IPO5: variants seen among roughly 807,000 people sequenced by gnomAD.
IPO5 encodes the protein importin 5.
Under a neutral mutation model 143.3 loss-of-function variants are expected in IPO5, and 18 were observed. The ratio of observed to expected loss-of-function variants is 0.13; its 90% CI spans 0.09 to 0.19. The LOEUF (loss-of-function observed/expected upper bound fraction) is 0.19, where lower values mean the gene tolerates loss of function less well. IPO5 is among the 10% of genes least tolerant of loss of function. The probability of loss-of-function intolerance (pLI) is 1.00; values close to 1 mark genes in which losing one functional copy is unlikely to be tolerated. For synonymous variants in IPO5, 477 were observed against 465.7 expected (o/e 1.02, Z -0.31); for missense variants, 1,013 against 1,336.9 (o/e 0.76, Z 3.78).
chr13:98,015,920 CT>C, intron 24 of IPO5, 139 bp downstream of exon 24: 1 of 593,404 alleles, frequency 1.7e-6, no homozygotes, highest in Non-Finnish European at 3.0e-6. Flanking sequence ...TATATTTCCT[CT>C]CTTAATTTAT....
chr13:97,977,769 C>CT (rs1886506615), intron 4 of IPO5, among the ~76,000 whole-genome samples: 1 of 152,190 alleles, frequency 6.6e-6, no homozygotes, highest in Non-Finnish European at 1.5e-5. Flanking sequence ...GAGGGAGAAA[C>CT]TTTCCAGTTT....
intron 11 of IPO5, among the ~76,000 whole-genome samples, chr13:97,995,928 A>G (rs1888246951): frequency 6.6e-6 from 1 of 152,218 alleles, no homozygotes; most frequent in African/African-American, 2.4e-5. Context: ...TGATGTAAAC[A>G]TTGCCAAATT....
chr13:98,012,326 A>G lies in IPO5; in HGVS notation c.2136A>G (p.Lys712=). 6.3e-7 allele frequency: 1 copy of G among 1,599,680 alleles called. No homozygotes were observed. Among genetic ancestry groups the G allele is most frequent in the Non-Finnish European group, 8.6e-7 (1 of 1,166,938 alleles). Residue 712 remains lysine, a synonymous_variant, in exon 21 of 29, where the codon AAA becomes AAG. Coordinates refer to ENST00000651721, the MANE Select transcript of IPO5 (RefSeq NM_002271.6). ...TCAAACTGATGGTCCCTTTACTGAA[A>G]TTTTATTTCCACGATGATATCCTAC... ...QVVKLMVPLL[K]FYFHDGVRVA... is the part of the protein sequence containing the mutation.
At chr13:98,019,484 A>T in intron 26 of IPO5, 97 bp from the exon 27 acceptor site, 1 of 829,100 alleles carries the variant, frequency 1.2e-6, no homozygotes, top group Non-Finnish European at 1.9e-6. Flanking sequence ...ACATTTCTTT[A>T]CCATAATCAA....
At position 98,010,143 on chromosome 13, in the gene IPO5, A is replaced by G. The variant is rs746861397; in HGVS notation, c.1974A>G (p.Glu658=). 2.3e-5 allele frequency: 37 copies of G among 1,614,030 alleles called. No individual in the cohort carries two copies. The highest frequency in any genetic ancestry group is 1.7e-5 in the Admixed American group (1 of 59,994). ...MENMSDDDGW[E]FVNLGDQQSF... The stretch of plus-strand genomic sequence containing the variant: ...ATATGAGTGATGATGATGGTTGGGA[A>G]TTTGTGAACCTTGGAGATCAGCAAA... The change falls in exon 20 of 29, where the codon GAA becomes GAG. Residue 658 remains glutamate (E), a synonymous_variant. Coordinates refer to ENST00000651721, the MANE Select transcript of IPO5 (RefSeq NM_002271.6).
chr13:97,991,464 G>C lies in IPO5; in HGVS notation c.669+927G>C, dbSNP rs114227882. On this transcript the variant is annotated intron_variant, in intron 9 of 28. Coordinates refer to ENST00000651721, the MANE Select transcript of IPO5 (RefSeq NM_002271.6). ...AGATTTCCTAAAATAGTAAGGTTCT[G>C]AACAAAGCAAAGTAGAGGTTGAGTG... Among the ~76,000 whole-genome samples, 28 of 152,296 alleles carry C rather than the reference G, an allele frequency of 1.8e-4. No homozygotes were observed. The South Asian group carries it at 5.8e-3, about 32-fold the overall frequency.
At chr13:97,959,908 C>T (rs901242054) in intron 2 of IPO5, among the ~76,000 whole-genome samples, 3 of 152,152 alleles carry the variant, frequency 2.0e-5, no homozygotes, top group African/African-American at 4.8e-5. Context: ...GAACCCTGTC[C>T]GCATGCTCAC....
Position 98,014,251 on chromosome 13 carries a change from G to T in IPO5, c.2325+37G>T, listed in dbSNP as rs567045020. On this transcript the variant is annotated intron_variant, in intron 22 of 28. Coordinates refer to ENST00000651721, the MANE Select transcript of IPO5 (RefSeq NM_002271.6). ...TCTCTTAAAAAATATGTATAAGGTT[G>T]TATGTTCATTTATTAGTCTTGCTAA... The T allele has an allele frequency of 9.0e-6, 13 of 1,436,632 alleles. No homozygotes were observed. The African/African-American group carries it at 1.4e-4, about 16-fold the overall frequency. 89.0% of individuals were successfully genotyped at this position (1,436,632 alleles called of 1,614,324 possible).
rs975787881 is a variant in IPO5 at position 97,965,367 on chromosome 13, G to A, written c.-112-4356G>A. ...AAACTGAAAAATTAAAAAAAAATCA[G>A]CTTGTCCATATCTGAAAAACAAAGG... On this transcript the variant is annotated intron_variant, in intron 2 of 28. Coordinates refer to ENST00000651721, the MANE Select transcript of IPO5 (RefSeq NM_002271.6). Among the ~76,000 whole-genome samples the A allele has an allele frequency of 6.6e-5, 10 of 152,000 alleles. 1 individual carries two copies. Among genetic ancestry groups the A allele is most frequent in the African/African-American group, 2.4e-4 (10 of 41,390 alleles).
intron 20 of IPO5, among the ~76,000 whole-genome samples, chr13:98,011,171 G>GT (rs911421773): frequency 1.1e-4 from 17 of 151,936 alleles, no homozygotes; most frequent in Admixed American, 9.2e-4. Context: ...ATTTTTGTGG[G>GT]TTTTTTCTCT....
At chr13:98,010,634 A>G (rs1889619708) in intron 20 of IPO5, among the ~76,000 whole-genome samples, 1 of 152,116 alleles carries the variant, frequency 6.6e-6, no homozygotes, top group Non-Finnish European at 1.5e-5. Context: ...GTATGATTTC[A>G]ATTGTGTAAA....
At chr13:98,015,387 A>G (rs1890057429) in intron 22 of IPO5, 143 bp from the exon 23 acceptor site, 2 of 607,110 alleles carry the variant, frequency 3.3e-6, no homozygotes, top group South Asian at 4.3e-5. Context: ...TGTCATTCTA[A>G]CAAATACAAG....
chr13:98,017,445 G>A (rs190469790), intron 25 of IPO5, among the ~76,000 whole-genome samples: 4 of 151,894 alleles, frequency 2.6e-5, no homozygotes, highest in East Asian at 3.9e-4. Flanking sequence ...CAATTCAGAC[G>A]CACGCCACCA....
chr13:97,976,931 G>T (rs1377144281), intron 4 of IPO5, 145 bp downstream of exon 4: 2 of 159,822 alleles, frequency 1.3e-5, no homozygotes, highest in African/African-American at 4.9e-5. Context: ...CACGTGTGAG[G>T]CGGCCCGCGG....
At chr13:98,011,372 C>A (rs1489528722) in intron 20 of IPO5, among the ~76,000 whole-genome samples, 2 of 152,096 alleles carry the variant, frequency 1.3e-5, no homozygotes, top group Non-Finnish European at 2.9e-5. Flanking sequence ...CTCACTGCAG[C>A]CTCCGTCTCC....
chr13:97,967,852 T>C (rs1015210202), intron 2 of IPO5, among the ~76,000 whole-genome samples: 12 of 152,252 alleles, frequency 7.9e-5, no homozygotes, highest in Admixed American at 2.6e-4. Flanking sequence ...AGGATGGTCT[T>C]GATCTCCTGA....
chr13:97,989,517 G>A (rs1209421745), intron 7 of IPO5, among the ~76,000 whole-genome samples: 1 of 152,206 alleles, frequency 6.6e-6, no homozygotes, highest in Non-Finnish European at 1.5e-5. Context: ...AGAGGAGAAG[G>A]AGAATGCAGG....
At chr13:98,007,741 T>G (rs1437264341) in intron 17 of IPO5, among the ~76,000 whole-genome samples, 1 of 152,254 alleles carries the variant, frequency 6.6e-6, no homozygotes, top group African/African-American at 2.4e-5. Context: ...TGCAGTGAAT[T>G]CTATAAACAA....
In IPO5 at chr13:98,022,130, A is replaced by G. The variant is rs373476251; in HGVS notation, c.*308A>G. ...CAAATTAATTTTTCTCGTTAGACAT[A>G]AGGAAATTTAAGGAAAAACAGCTTT... On this transcript the variant is annotated 3_prime_UTR_variant, in exon 29 of 29. Coordinates refer to ENST00000651721, the MANE Select transcript of IPO5 (RefSeq NM_002271.6). 2.8e-5 allele frequency: 6 copies of G among 213,030 alleles called. No individual in the cohort carries two copies. In the East Asian group the frequency reaches 3.7e-4, roughly 13 times the overall value. 13.2% of individuals were successfully genotyped at this position (213,030 alleles called of 1,614,324 possible).
Sources: allele counts gnomAD v4.1 joint callset (sites outside exome capture counted in the v4.1 genomes callset), GRCh38; gene constraint gnomAD v4.1.1; transcripts MANE v1.5; gene names NCBI Gene and HGNC (gene_info 2026-07-23, HGNC 2026-07-21).